BEND4: variants seen among roughly 807,000 people sequenced by gnomAD.
The protein encoded by BEND4 is BEN domain containing 4, also known as BEN domain-containing protein 4.
In BEND4, 27 loss-of-function variants were observed where a neutral mutation model predicts 54.7. That is an observed-to-expected ratio of 0.49 (90% CI 0.36 to 0.68). The LOEUF (loss-of-function observed/expected upper bound fraction) is 0.68, where lower values mean the gene tolerates loss of function less well. Among genes scored for constraint, BEND4 ranks in the 30% least tolerant of loss-of-function variants. BEND4 has a pLI of 0.00. For missense variants in BEND4, 702 were observed against 697.2 expected (o/e 1.01, Z -0.08); for synonymous variants, 327 against 299.5 (o/e 1.09, Z -0.95).
At chr4:42,137,931 G>C (rs1447020934) in intron 3 of BEND4, among the ~76,000 whole-genome samples, 1 of 152,124 alleles carries the variant, frequency 6.6e-6, no homozygotes, top group Non-Finnish European at 1.5e-5. Flanking sequence ...GTTGGCAAAA[G>C]ATCAAAAGAT....
At chr4:42,142,048 C>G (rs572361664) in intron 3 of BEND4, among the ~76,000 whole-genome samples, 1 of 151,634 alleles carries the variant, frequency 6.6e-6, no homozygotes, top group Admixed American at 6.6e-5. Context: ...GGACTACAGG[C>G]ACCTGCCACC....
In BEND4 at chr4:42,117,328, A is replaced by G. The variant is rs1335800049; in HGVS notation, c.*190T>C. The stretch of plus-strand genomic sequence containing the variant: ...TTTCTTTTTATAATATAATATTCCA[A>G]AAGTCTGTTGTAGGTGCCACAGACT... On this transcript the variant is annotated 3_prime_UTR_variant, in exon 6 of 6. Coordinates refer to ENST00000502486, the MANE Select transcript of BEND4 (RefSeq NM_207406.4). The G allele has an allele frequency of 1.1e-5, 6 of 529,002 alleles. No individual in the cohort carries two copies. The highest frequency in any genetic ancestry group is 3.0e-5 in the South Asian group (1 of 33,494). 32.8% of individuals were successfully genotyped at this position (529,002 alleles called of 1,614,324 possible). A position where few individuals can be genotyped will look rare whatever the true frequency, so the allele number is the denominator to read the frequency against.
At chr4:42,118,289 T>C (rs1467310237) in intron 5 of BEND4, among the ~76,000 whole-genome samples, 1 of 152,340 alleles carries the variant, frequency 6.6e-6, no homozygotes, top group East Asian at 1.9e-4. Context: ...GAAAATGTCA[T>C]TTCTATACAT....
At chr4:42,150,452 G>A (rs891339761) in intron 2 of BEND4, among the ~76,000 whole-genome samples, 1 of 152,184 alleles carries the variant, frequency 6.6e-6, no homozygotes. Context: ...TCCTTCATGT[G>A]TCAAAATATT....
intron 3 of BEND4, among the ~76,000 whole-genome samples, chr4:42,137,003 C>T (rs988841263): frequency 2.6e-5 from 4 of 152,102 alleles, no homozygotes; most frequent in African/African-American, 9.7e-5. Flanking sequence ...ATGTGGTACT[C>T]ACAGTGACTT....
intron 4 of BEND4, among the ~76,000 whole-genome samples, chr4:42,121,340 T>C (rs1393342892): frequency 1.3e-5 from 2 of 151,404 alleles, no homozygotes; most frequent in Non-Finnish European, 2.9e-5. Flanking sequence ...CGGCACGGAG[T>C]TCTGCGCGTG....
chr4:42,118,001 G>A (rs1398061248), intron 5 of BEND4, among the ~76,000 whole-genome samples: 3 of 152,046 alleles, frequency 2.0e-5, no homozygotes, highest in Non-Finnish European at 4.4e-5. Flanking sequence ...TGAAATAAAA[G>A]GTAAATTTGA....
At chr4:42,136,663 G>T (rs1344489448) in intron 3 of BEND4, among the ~76,000 whole-genome samples, 1 of 152,192 alleles carries the variant, frequency 6.6e-6, no homozygotes, top group Non-Finnish European at 1.5e-5. Context: ...ATTATTTAGT[G>T]CTACAGTTTT....
At position 42,125,673 on chromosome 4, in the gene BEND4, C is replaced by A. The variant is rs1315827922; in HGVS notation, c.1056G>T (p.Val352=). The A allele has an allele frequency of 3.1e-6, 5 of 1,596,768 alleles. No individual in the cohort carries two copies. Among genetic ancestry groups the A allele is most frequent in the Non-Finnish European group, 2.6e-6 (3 of 1,171,560 alleles). ...AGTAATCTAAAACGGTCTGGCAGGG[C>A]ACTGGGTGGAAGAAATGGCAACAAT... ...ELRRKLESIP[V]PCQTVLDYLK... is the part of the protein sequence containing the mutation. The change falls in exon 4 of 6, where the codon GTG becomes GTT. Residue 352 remains valine (V), a splice_region_variant and synonymous_variant. Coordinates refer to ENST00000502486, the MANE Select transcript of BEND4 (RefSeq NM_207406.4).
intron 5 of BEND4, among the ~76,000 whole-genome samples, chr4:42,119,374 A>G (rs990354868): frequency 1.8e-4 from 27 of 152,202 alleles, no homozygotes; most frequent in African/African-American, 6.5e-4. Context: ...TGTTGGCACT[A>G]TAACACTTCT....
intron 4 of BEND4, among the ~76,000 whole-genome samples, chr4:42,121,422 A>C (rs1720056154): frequency 6.6e-6 from 1 of 152,212 alleles, no homozygotes; most frequent in African/African-American, 2.4e-5. Context: ...TTCCTAAGGA[A>C]GGCAACTGAG....
rs1719535358 is a variant in BEND4 at position 42,110,934 on chromosome 4, A to G, written c.*6584T>C. ...AGAAAGATGCAAAAACCAAGTTAAAACACTTAACAGAGACTTGACATTTAT... is the reference window on the plus strand; with the variant it reads ...AGAAAGATGCAAAAACCAAGTTAAAGCACTTAACAGAGACTTGACATTTAT... On this transcript the variant is annotated 3_prime_UTR_variant, in exon 6 of 6. Coordinates refer to ENST00000502486, the MANE Select transcript of BEND4 (RefSeq NM_207406.4). 2 of 152,184 alleles carry G rather than the reference A, an allele frequency of 1.3e-5. No individual in the cohort carries two copies. Among genetic ancestry groups the G allele is most frequent in the Non-Finnish European group, 2.9e-5 (2 of 68,030 alleles). 9.4% of individuals were successfully genotyped at this position (152,184 alleles called of 1,614,324 possible). A position where few individuals can be genotyped will look rare whatever the true frequency, so the allele number is the denominator to read the frequency against.
Position 42,151,778 on chromosome 4 carries a change from C to T in BEND4, c.366G>A (p.Ala122=). 2 of 1,493,174 alleles carry T rather than the reference C, an allele frequency of 1.3e-6. No individual in the cohort carries two copies. The highest frequency in any genetic ancestry group is 1.5e-5 in the African/African-American group (1 of 68,042). The allele number at this position is 1,493,174 out of a possible 1,614,324, so 92.5% of individuals were successfully genotyped here. A position where few individuals can be genotyped will look rare whatever the true frequency, so the allele number is the denominator to read the frequency against. Residue 122 remains alanine (A), a synonymous_variant, in exon 2 of 6, where the codon GCG becomes GCA. Coordinates refer to ENST00000502486, the MANE Select transcript of BEND4 (RefSeq NM_207406.4). The stretch of plus-strand genomic sequence containing the variant: ...AAGACGACGAGGAGGCGGCGGGGGA[C>T]GCGGGCGGCGGCTGCGCCGGAGTCC... ...HLRTPAQPPP[A]SPAASSSSSF...
intron 3 of BEND4, among the ~76,000 whole-genome samples, chr4:42,141,657 C>T (rs1358131585): frequency 6.6e-6 from 1 of 152,172 alleles, no homozygotes; most frequent in Non-Finnish European, 1.5e-5. Context: ...AGGAGAATCG[C>T]TTGAACTCAG....
At position 42,115,862 on chromosome 4, in the gene BEND4, G is replaced by A. The variant is rs1719802841; in HGVS notation, c.*1656C>T. The A allele has an allele frequency of 6.6e-6, 1 of 152,000 alleles. No individual in the cohort carries two copies. The highest frequency in any genetic ancestry group is 2.1e-4 in the South Asian group (1 of 4,826). The allele number at this position is 152,000 out of a possible 1,614,324, so 9.4% of individuals were successfully genotyped here. ...TTCTCCCTATTCCATTGAATGATAT[G>A]ACAAATTTTAGTTAATTTTCTCAAA... On this transcript the variant is annotated 3_prime_UTR_variant, in exon 6 of 6. Coordinates refer to ENST00000502486, the MANE Select transcript of BEND4 (RefSeq NM_207406.4).
At chr4:42,144,838 A>G (rs1352995436) in intron 2 of BEND4, among the ~76,000 whole-genome samples, 2 of 152,218 alleles carry the variant, frequency 1.3e-5, no homozygotes, top group Non-Finnish European at 2.9e-5. Flanking sequence ...CCCACTGTAA[A>G]AAGAAAATGT....
chr4:42,118,377 A>C (rs1719927516), intron 5 of BEND4, among the ~76,000 whole-genome samples: 1 of 152,212 alleles, frequency 6.6e-6, no homozygotes, highest in Admixed American at 6.5e-5. Flanking sequence ...TGCCCAGAAG[A>C]GTGAACTGTC....
rs1342637972 is a variant in BEND4 at position 42,117,249 on chromosome 4, A to AT, written c.*268dup. On this transcript the variant is annotated 3_prime_UTR_variant, in exon 6 of 6. Transcript: ENST00000502486. ...CAGAAAGGTAACTAGGAGCTCACCT[A>AT]TTTTTTCACCCTCATGATCTAGCTA... is the stretch of plus-strand genomic sequence containing the variant. 3.3e-6 allele frequency: 1 copy of AT among 302,502 alleles called. No individual in the cohort carries two copies. Among genetic ancestry groups the AT allele is most frequent in the Non-Finnish European group, 6.0e-6 (1 of 166,862 alleles). 18.7% of individuals were successfully genotyped at this position (302,502 alleles called of 1,614,324 possible).
chr4:42,119,937 C>A lies in BEND4; in HGVS notation c.1387+117G>T, dbSNP rs760827057. 11 of 1,302,140 alleles carry A rather than the reference C, an allele frequency of 8.4e-6. No homozygotes were observed. The South Asian group carries it at 1.3e-4, about 15-fold the overall frequency. The allele number at this position is 1,302,140 out of a possible 1,614,324, so 80.7% of individuals were successfully genotyped here. On this transcript the variant is annotated intron_variant, in intron 5 of 5. Transcript: ENST00000502486. ...GTAGATGGGCCACATGAAGCCTAGACGTTCTCAGCAGAAAGAAATCAAAAT... is the reference window on the plus strand; with the variant it reads ...GTAGATGGGCCACATGAAGCCTAGAAGTTCTCAGCAGAAAGAAATCAAAAT...
Sources: allele counts gnomAD v4.1 joint callset (sites outside exome capture counted in the v4.1 genomes callset), GRCh38; gene constraint gnomAD v4.1.1; transcripts MANE v1.5; gene names NCBI Gene and HGNC (gene_info 2026-07-23, HGNC 2026-07-21).